Variants in PTPN4 observed in about 807,000 individuals in gnomAD.
PTPN4 encodes the protein tyrosine-protein phosphatase non-receptor type 4.
A neutral mutation model predicts 135.5 loss-of-function variants in PTPN4; 49 were observed. That is an observed-to-expected ratio of 0.36 (90% CI 0.29 to 0.46). The LOEUF is 0.46. Ranked by LOEUF, PTPN4 falls within the 20% of genes least tolerant of loss-of-function variation. PTPN4 has a pLI of 1.00. For synonymous variants in PTPN4, 333 were observed against 369.9 expected (o/e 0.90, Z 1.14); for missense variants, 860 against 1,101.0 (o/e 0.78, Z 3.10).
At chr2:119,881,029 G>C (rs59105046) in intron 5 of PTPN4, among the ~76,000 whole-genome samples, 3,863 of 152,166 alleles carry the variant, frequency 0.025, 161 homozygotes, top group African/African-American at 0.087. Context: ...AAACCAAAAA[G>C]TTTGGTCTTC....
chr2:119,785,073 T>C (rs1442528928), intron 1 of PTPN4, among the ~76,000 whole-genome samples: 1 of 152,216 alleles, frequency 6.6e-6, no homozygotes, highest in Non-Finnish European at 1.5e-5. Flanking sequence ...ATTTGTATGA[T>C]TGTCCTGTGC....
At chr2:119,824,258 A>G (rs1022837664) in intron 2 of PTPN4, among the ~76,000 whole-genome samples, 1 of 152,214 alleles carries the variant, frequency 6.6e-6, no homozygotes, top group African/African-American at 2.4e-5. Flanking sequence ...GCACTTAAAA[A>G]GGATGTCTGT....
At chr2:119,905,180 G>A (rs1588471) in intron 10 of PTPN4, among the ~76,000 whole-genome samples, 9,785 of 152,144 alleles carry the variant, frequency 0.064, 847 homozygotes, top group African/African-American at 0.2. Flanking sequence ...TTAAGTTCCC[G>A]TTAAAACTTA....
chr2:119,905,716 A>G (rs1332122420), intron 10 of PTPN4, among the ~76,000 whole-genome samples: 3 of 152,216 alleles, frequency 2.0e-5, no homozygotes, highest in African/African-American at 7.2e-5. Flanking sequence ...ATGTTAGGCC[A>G]CAAAACAAGT....
In PTPN4 at chr2:119,900,580, T is replaced by C. The variant is rs572970857; in HGVS notation, c.676-138T>C. 16 of 464,974 alleles carry C rather than the reference T, an allele frequency of 3.4e-5. No homozygotes were observed. The South Asian group carries it at 8.7e-4, about 25-fold the overall frequency. 28.8% of individuals were successfully genotyped at this position (464,974 alleles called of 1,614,324 possible). A position where few individuals can be genotyped will look rare whatever the true frequency, so the allele number is the denominator to read the frequency against. On this transcript the variant is annotated intron_variant, in intron 9 of 26. Coordinates refer to ENST00000263708, the MANE Select transcript of PTPN4 (RefSeq NM_002830.4). The stretch of plus-strand genomic sequence containing the variant: ...ATTTGGTAATAAGTACCATTTGGGT[T>C]TCTAATTAGTATTCGGTTCTTTGCA...
chr2:119,803,248 G>T (rs929334312), intron 1 of PTPN4, among the ~76,000 whole-genome samples: 5 of 151,886 alleles, frequency 3.3e-5, no homozygotes, highest in Non-Finnish European at 5.9e-5. Context: ...CATTGTCTAG[G>T]TTCTTGAGGA....
intron 16 of PTPN4, among the ~76,000 whole-genome samples, chr2:119,945,960 TATATC>T (rs1558771455): frequency 6.6e-6 from 1 of 152,160 alleles, no homozygotes; most frequent in Non-Finnish European, 1.5e-5. Flanking sequence ...TAAAATCACA[TATATC>T]AAGCAGTGGA....
At chr2:119,811,075 A>G (rs929652160) in intron 2 of PTPN4, among the ~76,000 whole-genome samples, 1 of 151,430 alleles carries the variant, frequency 6.6e-6, no homozygotes, top group Non-Finnish European at 1.5e-5. Flanking sequence ...CACCGGGGCC[A>G]GTCGGGGGAT....
At chr2:119,844,621 CG>C (rs1677456472) in intron 2 of PTPN4, among the ~76,000 whole-genome samples, 1 of 150,724 alleles carries the variant, frequency 6.6e-6, no homozygotes, top group Non-Finnish European at 1.5e-5. Flanking sequence ...GATGGGGCAG[CG>C]GGGCAGAGGC....
At chr2:119,785,379 A>G (rs1180241988) in intron 1 of PTPN4, among the ~76,000 whole-genome samples, 1 of 152,218 alleles carries the variant, frequency 6.6e-6, no homozygotes, top group African/African-American at 2.4e-5. Flanking sequence ...TCTGATGCAC[A>G]CTTAAGTGAG....
At chr2:119,765,330 T>A (rs967521164) in intron 1 of PTPN4, among the ~76,000 whole-genome samples, 1 of 152,230 alleles carries the variant, frequency 6.6e-6, no homozygotes, top group Non-Finnish European at 1.5e-5. Flanking sequence ...CCATAACTGA[T>A]TTAGACATTT....
intron 2 of PTPN4, among the ~76,000 whole-genome samples, chr2:119,826,726 A>C (rs1178120468): frequency 4.6e-5 from 7 of 152,146 alleles, no homozygotes; most frequent in Non-Finnish European, 8.8e-5. Flanking sequence ...TTGATGAGTA[A>C]ATTTTTAAAA....
At chr2:119,900,644 C>T in intron 9 of PTPN4, 74 bp from the exon 10 acceptor site, 7 of 906,262 alleles carry the variant, frequency 7.7e-6, no homozygotes, top group Non-Finnish European at 9.6e-6. Context: ...AAAATAGAAT[C>T]CTATTTTTAA....
At chr2:119,950,855 G>T (rs181565527) in intron 18 of PTPN4, among the ~76,000 whole-genome samples, 43 of 152,250 alleles carry the variant, frequency 2.8e-4, no homozygotes, top group African/African-American at 1.0e-3. Flanking sequence ...AGATGAAATT[G>T]TGCAGGATCT....
chr2:119,852,448 T>A (rs1677607120), intron 2 of PTPN4, among the ~76,000 whole-genome samples: 1 of 152,238 alleles, frequency 6.6e-6, no homozygotes, highest in Non-Finnish European at 1.5e-5. Flanking sequence ...CTGAGAAATT[T>A]TCTGTTTAGG....
intron 13 of PTPN4, among the ~76,000 whole-genome samples, chr2:119,929,158 C>T (rs576292817): frequency 6.6e-6 from 1 of 152,190 alleles, no homozygotes; most frequent in East Asian, 1.9e-4. Flanking sequence ...GTATCAGCTA[C>T]AATGAGGTTG....
In PTPN4 at chr2:119,832,150, G is replaced by A. The variant is rs1209902138; in HGVS notation, c.138+22159G>A. 2.6e-5 allele frequency among the ~76,000 whole-genome samples: 4 copies of A among 152,004 alleles called. No homozygotes were observed. The East Asian group carries it at 5.8e-4, about 22-fold the overall frequency. On this transcript the variant is annotated intron_variant, in intron 2 of 26. Coordinates refer to ENST00000263708, the MANE Select transcript of PTPN4 (RefSeq NM_002830.4). Reference sequence around the variant, plus strand: ...CCATGTATATTCTGTGATCAAAATCGGAGGTAGAAAACTTAAGGACTAGAA... The same window carrying A: ...CCATGTATATTCTGTGATCAAAATCAGAGGTAGAAAACTTAAGGACTAGAA...
chr2:119,766,458 G>A (rs1240517060), intron 1 of PTPN4, among the ~76,000 whole-genome samples: 1 of 135,224 alleles, frequency 7.4e-6, no homozygotes. Context: ...GCGTGTGTGT[G>A]TGTGTGTGTG....
At chr2:119,883,719 G>A (rs79459490) in intron 8 of PTPN4, among the ~76,000 whole-genome samples, 3,658 of 152,140 alleles carry the variant, frequency 0.024, 65 homozygotes, top group Non-Finnish European at 0.033. Context: ...GTTTCCTTAC[G>A]TAAACTGGGG....
Sources: gnomAD v4.1 joint callset for allele counts (sites outside exome capture counted in the v4.1 genomes callset) on GRCh38, gnomAD v4.1.1 for gene constraint, MANE v1.5 for transcripts, NCBI Gene and HGNC (gene_info 2026-07-23, HGNC 2026-07-21) for gene names.